The following CNTNAP4 variants were observed in gnomAD, a reference collection of about 807,000 sequenced individuals.
CNTNAP4 encodes contactin associated protein family member 4.
CNTNAP4 carries 98 observed loss-of-function variants against 148.4 expected under a neutral mutation model. The observed-to-expected ratio is 0.66, with a 90% confidence interval of 0.56 to 0.78. CNTNAP4 has a LOEUF of 0.78. CNTNAP4 is among the 30% of genes least tolerant of loss of function. CNTNAP4 has a pLI of 0.00. For missense variants in CNTNAP4, 1,935 were observed against 1,565.6 expected (o/e 1.24, Z -3.98); for synonymous variants, 730 against 565.1 (o/e 1.29, Z -4.14).
At chr16:76,461,236 A>G (rs1375162170) in intron 8 of CNTNAP4, among the ~76,000 whole-genome samples, 1 of 152,186 alleles carries the variant, frequency 6.6e-6, no homozygotes, top group Non-Finnish European at 1.5e-5. Context: ...TATTTACAGT[A>G]TGAGAGCTAC....
chr16:76,434,435 T>G (rs1291502633), intron 4 of CNTNAP4, among the ~76,000 whole-genome samples: 1 of 152,172 alleles, frequency 6.6e-6, no homozygotes, highest in African/African-American at 2.4e-5. Flanking sequence ...CCAGGAGATG[T>G]GTTAATTGGA....
At chr16:76,490,433 T>C (rs1278128651) in intron 13 of CNTNAP4, among the ~76,000 whole-genome samples, 1 of 152,166 alleles carries the variant, frequency 6.6e-6, no homozygotes, top group African/African-American at 2.4e-5. Context: ...ATAACCAGTC[T>C]GCTCCTGAGT....
chr16:76,364,625 C>T (rs1267625482), intron 3 of CNTNAP4, among the ~76,000 whole-genome samples: 1 of 152,182 alleles, frequency 6.6e-6, no homozygotes, highest in Non-Finnish European at 1.5e-5. Flanking sequence ...CTTCATTCCC[C>T]AGGAGGCTAC....
At chr16:76,547,754 C>A (rs1214696555) in intron 21 of CNTNAP4, among the ~76,000 whole-genome samples, 1 of 152,140 alleles carries the variant, frequency 6.6e-6, no homozygotes, top group Non-Finnish European at 1.5e-5. Context: ...TTGGAGTCCG[C>A]AGAGCTCAGG....
intron 2 of CNTNAP4, among the ~76,000 whole-genome samples, chr16:76,354,940 C>A (rs2012377857): frequency 6.6e-6 from 1 of 152,214 alleles, no homozygotes; most frequent in Admixed American, 6.5e-5. Flanking sequence ...CTTGAAGTTA[C>A]TTCCTTACAT....
At chr16:76,445,655 A>G (rs1216560012) in intron 4 of CNTNAP4, among the ~76,000 whole-genome samples, 2 of 152,162 alleles carry the variant, frequency 1.3e-5, no homozygotes, top group African/African-American at 4.8e-5. Flanking sequence ...GAAGATACAT[A>G]TCATCATTAT....
chr16:76,457,570 G>A (rs1056392665), intron 8 of CNTNAP4, among the ~76,000 whole-genome samples: 1 of 152,108 alleles, frequency 6.6e-6, no homozygotes, highest in African/African-American at 2.4e-5. Context: ...AAGCCTTTTA[G>A]TTAATCCTGC....
intron 3 of CNTNAP4, among the ~76,000 whole-genome samples, chr16:76,365,760 A>G (rs1298792828): frequency 6.6e-6 from 1 of 151,884 alleles, no homozygotes; most frequent in African/African-American, 2.4e-5. Context: ...TCAAAAAAAA[A>G]AAAAAAAAAA....
intron 4 of CNTNAP4, among the ~76,000 whole-genome samples, chr16:76,434,598 C>T: frequency 6.6e-6 from 1 of 152,166 alleles, no homozygotes; most frequent in Non-Finnish European, 1.5e-5. Context: ...GAATCACCAC[C>T]CCTGCATCTT....
Position 76,498,687 on chromosome 16 carries a change from G to T in CNTNAP4, c.2358G>T (p.Gln786His). ...AAYKLGPLLC[Q>H]GDRSFWNSAS... ...ATAAACTGGGGCCTCTGCTCTGCCAGGGAGACAGTAAGTGGTTACAATGTG... is the reference window on the plus strand; with the variant it reads ...ATAAACTGGGGCCTCTGCTCTGCCATGGAGACAGTAAGTGGTTACAATGTG... Residue 786 changes from glutamine (Q) to histidine (H), a missense_variant, in exon 15 of 24, where the codon CAG becomes CAT. Coordinates refer to ENST00000611870, the MANE Select transcript of CNTNAP4 (RefSeq NM_033401.5). The T allele has an allele frequency of 6.2e-7, 1 of 1,604,596 alleles. No individual in the cohort carries two copies. Among genetic ancestry groups the T allele is most frequent in the Non-Finnish European group, 8.5e-7 (1 of 1,176,330 alleles).
rs754958243 is a variant in CNTNAP4, at chr16:76,538,354, A to G, written c.3220+14A>G. The G allele has an allele frequency of 1.1e-5, 17 of 1,548,658 alleles. No individual in the cohort carries two copies. The highest frequency in any genetic ancestry group is 1.7e-4 in the Middle Eastern group (1 of 5,942). On this transcript the variant is annotated intron_variant, in intron 19 of 23. Transcript: ENST00000611870. Reference sequence around the variant, plus strand: ...TTGCCAAAAATGGTGAGTTCTTTTTAGATGAGAGAGAGAAAATTAAATTAG... The same window carrying G: ...TTGCCAAAAATGGTGAGTTCTTTTTGGATGAGAGAGAGAAAATTAAATTAG...
At chr16:76,414,530 T>C (rs1394682925) in intron 3 of CNTNAP4, among the ~76,000 whole-genome samples, 1 of 151,330 alleles carries the variant, frequency 6.6e-6, no homozygotes, top group Non-Finnish European at 1.5e-5. Context: ...AGGGTTATGC[T>C]GGCCTCACAA....
chr16:76,434,060 A>G (rs2079717338), intron 4 of CNTNAP4, among the ~76,000 whole-genome samples: 1 of 150,314 alleles, frequency 6.7e-6, no homozygotes, highest in South Asian at 2.1e-4. Flanking sequence ...ACACACATAT[A>G]TAGAAATTTA....
chr16:76,279,717 A>G (rs1958615279), intron 1 of CNTNAP4, among the ~76,000 whole-genome samples: 1 of 152,252 alleles, frequency 6.6e-6, no homozygotes, highest in South Asian at 2.1e-4. Flanking sequence ...AGTGTCAAAA[A>G]TAAAATGAAA....
chr16:76,379,187 C>A (rs1488347608), intron 3 of CNTNAP4, among the ~76,000 whole-genome samples: 1 of 152,040 alleles, frequency 6.6e-6, no homozygotes, highest in African/African-American at 2.4e-5. Context: ...AAAAATGACT[C>A]CAATTCACAG....
intron 3 of CNTNAP4, among the ~76,000 whole-genome samples, chr16:76,383,244 C>G (rs1222124612): frequency 6.6e-6 from 1 of 151,820 alleles, no homozygotes; most frequent in Non-Finnish European, 1.5e-5. Flanking sequence ...ATTTTGTAAA[C>G]TCCAATGAAA....
At chr16:76,434,068 TTATA>T (rs2079717914) in intron 4 of CNTNAP4, among the ~76,000 whole-genome samples, 1 of 150,014 alleles carries the variant, frequency 6.7e-6, no homozygotes, top group Non-Finnish European at 1.5e-5. Context: ...ATATAGAAAT[TTATA>T]TATACAAAGG....
chr16:76,537,435 A>G (rs1226638626), intron 18 of CNTNAP4, among the ~76,000 whole-genome samples: 1 of 124,480 alleles, frequency 8.0e-6, no homozygotes, highest in African/African-American at 2.7e-5. Flanking sequence ...TTTCATACAT[A>G]TGTATTTGGT....
chr16:76,456,033 G>A (rs554835922), intron 8 of CNTNAP4, among the ~76,000 whole-genome samples: 5 of 152,244 alleles, frequency 3.3e-5, no homozygotes, highest in South Asian at 2.1e-4. Context: ...GAGAGAGAAC[G>A]TTCTAGGCCA....
Sources: allele counts gnomAD v4.1 joint callset (sites outside exome capture counted in the v4.1 genomes callset), GRCh38; gene constraint gnomAD v4.1.1; transcripts MANE v1.5; gene names NCBI Gene and HGNC (gene_info 2026-07-23, HGNC 2026-07-21).